The following PLXDC2 variants were observed in gnomAD, a reference collection of about 807,000 sequenced individuals.
PLXDC2 encodes plexin domain-containing protein 2.
Under a neutral mutation model 68.9 loss-of-function variants are expected in PLXDC2, and 40 were observed. The observed-to-expected ratio is 0.58, with a 90% CI of 0.45 to 0.76. The LOEUF is 0.76. PLXDC2 is among the 30% of genes least tolerant of loss of function. PLXDC2 has a pLI of 0.00. For synonymous variants in PLXDC2, 243 were observed against 234.2 expected (o/e 1.04, Z -0.34); for missense variants, 644 against 661.9 (o/e 0.97, Z 0.30).
rs186616037 is a variant in PLXDC2 at position 20,214,162 on chromosome 10, A to T, written c.1122+2433A>T. 5.5e-3 allele frequency among the ~76,000 whole-genome samples: 843 copies of T among 152,258 alleles called. 3 individuals are homozygous for T. Among genetic ancestry groups the T allele is most frequent in the Middle Eastern group, 0.014 (4 of 294 alleles). On this transcript the variant is annotated intron_variant, in intron 10 of 13. Transcript: ENST00000377252. ...CGTTCATTTCTCAATTTTATCTTTT[A>T]TGATTTTAAATATTCCGTGTATGAT...
At position 20,245,542 on chromosome 10, in the gene PLXDC2, T is replaced by A. The variant is rs755028176; in HGVS notation, c.1473+37T>A. On this transcript the variant is annotated intron_variant, in intron 13 of 13. Transcript: ENST00000377252. ...GTTTAACACATGAAAACCACGCCAG[T>A]TGATGAACTGTATCCGTTTGCTAAC... 12 of 1,583,600 alleles carry A rather than the reference T, an allele frequency of 7.6e-6. No homozygotes were observed. The East Asian group carries it at 2.7e-4, about 36-fold the overall frequency.
At chr10:19,988,364 A>G (rs773580864) in intron 1 of PLXDC2, among the ~76,000 whole-genome samples, 9 of 152,024 alleles carry the variant, frequency 5.9e-5, no homozygotes, top group Non-Finnish European at 7.4e-5. Flanking sequence ...TTTTTTCCTT[A>G]ACCATTTGTA....
At chr10:20,072,560 A>G (rs1174082030) in intron 4 of PLXDC2, among the ~76,000 whole-genome samples, 1 of 147,580 alleles carries the variant, frequency 6.8e-6, no homozygotes, top group Non-Finnish European at 1.5e-5. Flanking sequence ...AGAAAAGGAA[A>G]GAAAGGAAGA....
chr10:19,974,295 C>T (rs141773600), intron 1 of PLXDC2, among the ~76,000 whole-genome samples: 1 of 152,346 alleles, frequency 6.6e-6, no homozygotes, highest in East Asian at 1.9e-4. Flanking sequence ...CAACTTATTG[C>T]TGGATCCTCA....
rs78724893 is a variant in PLXDC2 at position 19,865,400 on chromosome 10, G to T, written c.112+48209G>T. On this transcript the variant is annotated intron_variant, in intron 1 of 13. Transcript: ENST00000377252. Reference sequence around the variant, plus strand: ...TGTATTTTTCTACATGACAATGGTAGAGTTGGGCTGTGCTTCATTTTGCAA... The same window carrying T: ...TGTATTTTTCTACATGACAATGGTATAGTTGGGCTGTGCTTCATTTTGCAA... Among the ~76,000 whole-genome samples, 1,045 of 152,290 alleles carry T rather than the reference G, an allele frequency of 6.9e-3. 11 individuals carry two copies. The highest frequency in any genetic ancestry group is 0.023 in the African/African-American group (962 of 41,542).
At chr10:20,160,069 T>C (rs1315311337) in intron 6 of PLXDC2, among the ~76,000 whole-genome samples, 4 of 152,178 alleles carry the variant, frequency 2.6e-5, no homozygotes, top group African/African-American at 9.7e-5. Context: ...GTCTTTGTTT[T>C]CCTATCTGCT....
intron 1 of PLXDC2, among the ~76,000 whole-genome samples, chr10:19,917,241 G>T (rs930163670): frequency 6.6e-6 from 1 of 152,056 alleles, no homozygotes; most frequent in African/African-American, 2.4e-5. Flanking sequence ...ATTGCTCCAA[G>T]GCTGGGCACA....
rs72789647 is a variant in PLXDC2 at position 19,979,375 on chromosome 10, A to T, written c.113-22400A>T. On this transcript the variant is annotated intron_variant, in intron 1 of 13. Transcript: ENST00000377252. Reference sequence around the variant, plus strand: ...TTCATCTGTCTATCAATAGATAGATAGATAGATTTTTTTTTTTTTTTTAGA... The same window carrying T: ...TTCATCTGTCTATCAATAGATAGATTGATAGATTTTTTTTTTTTTTTTAGA... Among the ~76,000 whole-genome samples the T allele has an allele frequency of 2.3e-4, 35 of 150,116 alleles. No individual in the cohort carries two copies. In the East Asian group the frequency reaches 6.9e-3, roughly 30 times the overall value.
intron 1 of PLXDC2, among the ~76,000 whole-genome samples, chr10:19,853,992 G>A (rs1322894819): frequency 6.6e-6 from 1 of 152,152 alleles, no homozygotes; most frequent in African/African-American, 2.4e-5. Context: ...CCTGGGCACC[G>A]GAGGTGTTGT....
intron 1 of PLXDC2, among the ~76,000 whole-genome samples, chr10:19,872,373 G>A (rs951910068): frequency 2.4e-4 from 36 of 152,186 alleles, no homozygotes; most frequent in Admixed American, 2.2e-3. Flanking sequence ...AGCCATGATA[G>A]GTCAAAATTG....
intron 1 of PLXDC2, among the ~76,000 whole-genome samples, chr10:19,867,003 C>G (rs1459182238): frequency 6.6e-6 from 1 of 151,500 alleles, no homozygotes; most frequent in Non-Finnish European, 1.5e-5. Context: ...ATCCAGGTGA[C>G]CCTCAGGAAG....
intron 6 of PLXDC2, among the ~76,000 whole-genome samples, chr10:20,162,735 A>G (rs1487772056): frequency 2.0e-5 from 3 of 152,046 alleles, no homozygotes; most frequent in Non-Finnish European, 4.4e-5. Context: ...AGGATTTCAC[A>G]TATTGATACT....
chr10:19,886,950 A>C (rs770418033), intron 1 of PLXDC2, among the ~76,000 whole-genome samples: 1 of 152,156 alleles, frequency 6.6e-6, no homozygotes, highest in African/African-American at 2.4e-5. Flanking sequence ...CCTCTGGACA[A>C]TTTCACTGTA....
chr10:20,123,700 G>A (rs910747620), intron 4 of PLXDC2, among the ~76,000 whole-genome samples: 6 of 151,856 alleles, frequency 4.0e-5, no homozygotes, highest in Non-Finnish European at 7.4e-5. Flanking sequence ...GAAGGGGTTC[G>A]GGGGTTCTTA....
Position 20,221,120 on chromosome 10 carries a change from A to G in PLXDC2, c.1312+2018A>G, listed in dbSNP as rs145318373. Among the ~76,000 whole-genome samples, 793 of 150,416 alleles carry G rather than the reference A, an allele frequency of 5.3e-3. 12 individuals are homozygous for G. Among genetic ancestry groups the G allele is most frequent in the African/African-American group, 0.016 (660 of 40,038 alleles). ...GACCTCCCAAAGTGCTGGGATTACA[A>G]GCGTGAGCCACCACGCACGGCCAAC... On this transcript the variant is annotated intron_variant, in intron 12 of 13. Transcript: ENST00000377252.
At chr10:19,941,440 C>A (rs993268433) in intron 1 of PLXDC2, among the ~76,000 whole-genome samples, 1 of 152,146 alleles carries the variant, frequency 6.6e-6, no homozygotes, top group Non-Finnish European at 1.5e-5. Context: ...TGCAGCTGGT[C>A]GTTTCACAGC....
chr10:19,937,544 G>GTATA (rs71388881), intron 1 of PLXDC2, among the ~76,000 whole-genome samples: 8,121 of 94,968 alleles, frequency 0.086, 502 homozygotes, highest in Non-Finnish European at 0.098. Flanking sequence ...TATAGTCAAT[G>GTATA]TATATATATA....
chr10:20,160,019 C>G (rs183274010), intron 6 of PLXDC2, among the ~76,000 whole-genome samples: 1 of 152,130 alleles, frequency 6.6e-6, no homozygotes, highest in African/African-American at 2.4e-5. Flanking sequence ...GTTTTAATGC[C>G]TGTCCCTGTT....
chr10:19,879,064 C>T (rs961682582), intron 1 of PLXDC2, among the ~76,000 whole-genome samples: 3 of 152,116 alleles, frequency 2.0e-5, no homozygotes, highest in Non-Finnish European at 4.4e-5. Context: ...CTTGTCTCTG[C>T]CTGTATCATT....
Sources: gnomAD v4.1 joint callset for allele counts (sites outside exome capture counted in the v4.1 genomes callset) on GRCh38, gnomAD v4.1.1 for gene constraint, MANE v1.5 for transcripts, NCBI Gene and HGNC (gene_info 2026-07-23, HGNC 2026-07-21) for gene names.